PITPNC1: variants seen among roughly 807,000 people sequenced by gnomAD.
PITPNC1 encodes the protein phosphatidylinositol transfer protein cytoplasmic 1.
Under a neutral mutation model 44.7 loss-of-function variants are expected in PITPNC1, and 18 were observed. The observed-to-expected ratio is 0.40, with a 90% confidence interval of 0.28 to 0.60. The LOEUF is 0.60. Among genes scored for constraint, PITPNC1 ranks in the 20% least tolerant of loss-of-function variants. PITPNC1 has a pLI of 0.39. For synonymous variants in PITPNC1, 141 were observed against 149.6 expected, an observed-to-expected ratio of 0.94 and a Z score of 0.42; for missense variants, 290 against 418.4, an observed-to-expected ratio of 0.69 and a Z score of 2.68.
At chr17:67,564,043 AGATT>A (rs1003442807) in intron 4 of PITPNC1, among the ~76,000 whole-genome samples, 15 of 152,180 alleles carry the variant, frequency 9.9e-5, no homozygotes, top group Non-Finnish European at 1.5e-4. Context: ...ATTAATAGAT[AGATT>A]GATTAGATAG....
At chr17:67,654,053 G>GAT (rs2042237251) in intron 6 of PITPNC1, among the ~76,000 whole-genome samples, 1 of 152,198 alleles carries the variant, frequency 6.6e-6, no homozygotes. Flanking sequence ...GCCTAAGGGA[G>GAT]CGGCCCATGA....
At chr17:67,545,561 G>A (rs1034285817) in intron 2 of PITPNC1, among the ~76,000 whole-genome samples, 9 of 140,850 alleles carry the variant, frequency 6.4e-5, no homozygotes, top group African/African-American at 1.7e-4. Flanking sequence ...GGGTGACAGA[G>A]CAAGACTCTG....
intron 5 of PITPNC1, among the ~76,000 whole-genome samples, chr17:67,626,995 C>T (rs1031147695): frequency 6.6e-6 from 1 of 152,116 alleles, no homozygotes; most frequent in African/African-American, 2.4e-5. Context: ...AATTAAAACT[C>T]GCCTGTAATC....
At chr17:67,487,559 A>G (rs558313889) in intron 1 of PITPNC1, among the ~76,000 whole-genome samples, 25 of 152,336 alleles carry the variant, frequency 1.6e-4, no homozygotes, top group African/African-American at 5.5e-4. Flanking sequence ...CTCTGTATCC[A>G]TCTGAGCTCA....
At chr17:67,451,525 C>T (rs928070118) in intron 1 of PITPNC1, among the ~76,000 whole-genome samples, 1 of 152,142 alleles carries the variant, frequency 6.6e-6, no homozygotes, top group African/African-American at 2.4e-5. Context: ...CTTGCTCTTA[C>T]CCTGATCCCC....
At chr17:67,475,767 A>G (rs556768010) in intron 1 of PITPNC1, among the ~76,000 whole-genome samples, 9 of 152,326 alleles carry the variant, frequency 5.9e-5, no homozygotes, top group African/African-American at 2.2e-4. Flanking sequence ...ATCAGTAAGC[A>G]CAATCAGGAT....
intron 1 of PITPNC1, among the ~76,000 whole-genome samples, chr17:67,389,799 T>C (rs984490174): frequency 5.3e-5 from 8 of 151,798 alleles, no homozygotes; most frequent in Admixed American, 2.0e-4. Flanking sequence ...CCTGCCTCAG[T>C]CTCCCGAGTA....
At chr17:67,459,446 C>G (rs2143968848) in intron 1 of PITPNC1, among the ~76,000 whole-genome samples, 1 of 152,254 alleles carries the variant, frequency 6.6e-6, no homozygotes, top group South Asian at 2.1e-4. Flanking sequence ...CAACTCTCTG[C>G]TTCATGGTGA....
chr17:67,578,866 CA>C (rs2041187241), intron 5 of PITPNC1, among the ~76,000 whole-genome samples: 1 of 152,200 alleles, frequency 6.6e-6, no homozygotes, highest in Non-Finnish European at 1.5e-5. Flanking sequence ...CCAGTAATCC[CA>C]GCTACTTGGG....
Position 67,696,104 on chromosome 17 carries a change from T to G in PITPNC1, c.*3216T>G. ...TTTGCATCTGTGTGTGAGGAAAATT[T>G]TAATTTATTTGGAAGTATTTATTAG... On this transcript the variant is annotated 3_prime_UTR_variant, in exon 9 of 9. Coordinates refer to ENST00000581322, the MANE Select transcript of PITPNC1 (RefSeq NM_012417.4). 6.6e-6 allele frequency: 1 copy of G among 152,238 alleles called. No homozygotes were observed. Among genetic ancestry groups the G allele is most frequent in the East Asian group, 1.9e-4 (1 of 5,206 alleles). The allele number at this position is 152,238 out of a possible 1,614,324, so 9.4% of individuals were successfully genotyped here.
intron 5 of PITPNC1, among the ~76,000 whole-genome samples, chr17:67,599,032 A>ATTTTTT (rs1185599667): frequency 6.8e-5 from 2 of 29,300 alleles, no homozygotes; most frequent in African/African-American, 3.2e-4. Context: ...ATATATATAT[A>ATTTTTT]TATTTTTTTT....
intron 4 of PITPNC1, among the ~76,000 whole-genome samples, chr17:67,556,530 A>C (rs1598816834): frequency 6.6e-6 from 1 of 152,188 alleles, no homozygotes; most frequent in Non-Finnish European, 1.5e-5. Context: ...AAGTACAAAA[A>C]TCAGTTATGA....
At chr17:67,442,217 A>G (rs1252653786) in intron 1 of PITPNC1, among the ~76,000 whole-genome samples, 15 of 85,154 alleles carry the variant, frequency 1.8e-4, no homozygotes, top group Admixed American at 4.1e-4. Context: ...ATATATATAT[A>G]TATATATATA....
chr17:67,657,698 CA>C lies in PITPNC1; in HGVS notation c.463-11806del, dbSNP rs541116481. Among the ~76,000 whole-genome samples the C allele has an allele frequency of 8.5e-5, 13 of 152,208 alleles. No individual in the cohort carries two copies. The South Asian group carries it at 2.7e-3, about 32-fold the overall frequency. On this transcript the variant is annotated intron_variant, in intron 6 of 8. Transcript: ENST00000581322. ...ATACTTCTCATTTCTATCCTTTTTC[CA>C]AAACTTTATTTCACAATACCCAAAT...
intron 1 of PITPNC1, among the ~76,000 whole-genome samples, chr17:67,461,963 C>T (rs745661340): frequency 2.6e-4 from 40 of 152,258 alleles, no homozygotes; most frequent in Admixed American, 4.6e-4. Context: ...GCCAGCATTA[C>T]GACCTGGGTT....
rs1396241520 is a variant in PITPNC1, at chr17:67,605,955, A to G, written c.367-26188A>G. On this transcript the variant is annotated intron_variant, in intron 5 of 8. Coordinates refer to ENST00000581322, the MANE Select transcript of PITPNC1 (RefSeq NM_012417.4). The stretch of plus-strand genomic sequence containing the variant: ...TGTGGTTGAGAGATGTTTTTAATAC[A>G]CTGCCCAAGGCCACACAATGAATAG... Among the ~76,000 whole-genome samples the G allele has an allele frequency of 2.6e-5, 4 of 152,340 alleles. No individual in the cohort carries two copies. In the South Asian group the frequency reaches 8.3e-4, roughly 32 times the overall value.
intron 1 of PITPNC1, among the ~76,000 whole-genome samples, chr17:67,388,007 T>C (rs2038080293): frequency 6.6e-6 from 1 of 152,234 alleles, no homozygotes; most frequent in African/African-American, 2.4e-5. Context: ...GGTCTGGTGC[T>C]TAAACTTAGG....
chr17:67,592,757 C>A (rs2041409231), intron 5 of PITPNC1, among the ~76,000 whole-genome samples: 1 of 152,222 alleles, frequency 6.6e-6, no homozygotes, highest in African/African-American at 2.4e-5. Context: ...AAATAATAGG[C>A]TGGACACAGT....
chr17:67,478,252 T>C (rs985932736), intron 1 of PITPNC1, among the ~76,000 whole-genome samples: 2 of 152,212 alleles, frequency 1.3e-5, no homozygotes, highest in African/African-American at 4.8e-5. Flanking sequence ...GGAGCTCCTA[T>C]CTGGGCAGCA....
Sources: allele counts gnomAD v4.1 joint callset (sites outside exome capture counted in the v4.1 genomes callset), GRCh38; gene constraint gnomAD v4.1.1; transcripts MANE v1.5; gene names NCBI Gene and HGNC (gene_info 2026-07-23, HGNC 2026-07-21).